Variants in SPAG17 observed in about 807,000 individuals in gnomAD.
SPAG17 encodes the protein sperm associated antigen 17, also known as sperm-associated antigen 17.
Under a neutral mutation model 273.6 loss-of-function variants are expected in SPAG17, and 169 were observed. That is an observed-to-expected ratio of 0.62 (90% CI 0.55 to 0.70). The LOEUF is 0.70. Ranked by LOEUF, SPAG17 falls within the 30% of genes least tolerant of loss-of-function variation. The pLI, the probability that SPAG17 is intolerant of heterozygous loss-of-function variation, is 0.00. For synonymous variants in SPAG17, 825 were observed against 873.2 expected (o/e 0.94, Z 0.97); for missense variants, 2,557 against 2,627.8 (o/e 0.97, Z 0.59).
chr1:118,055,447 AT>A (rs1651561408), intron 19 of SPAG17, among the ~76,000 whole-genome samples: 1 of 152,182 alleles, frequency 6.6e-6, no homozygotes, highest in South Asian at 2.1e-4. Context: ...CAATAAAGGC[AT>A]TTGGCATTTC....
intron 1 of SPAG17, among the ~76,000 whole-genome samples, chr1:118,183,906 T>C (rs1661059534): frequency 6.6e-6 from 1 of 152,166 alleles, no homozygotes; most frequent in Non-Finnish European, 1.5e-5. Flanking sequence ...AAAAACATCT[T>C]TGAGAATTTG....
intron 3 of SPAG17, 50 bp from the exon 4 acceptor site, chr1:118,115,491 C>A (rs770170703): frequency 1.9e-5 from 30 of 1,548,646 alleles, no homozygotes; most frequent in South Asian, 3.6e-5. Flanking sequence ...TAACCTTTGG[C>A]ACAGTCTGTC....
At chr1:118,169,380 G>A (rs904179872) in intron 1 of SPAG17, among the ~76,000 whole-genome samples, 1 of 152,034 alleles carries the variant, frequency 6.6e-6, no homozygotes, top group Admixed American at 6.6e-5. Context: ...TGTAAATATC[G>A]ATGAAAGCAT....
intron 1 of SPAG17, among the ~76,000 whole-genome samples, chr1:118,176,242 T>G (rs556115655): frequency 2.6e-5 from 4 of 152,192 alleles, no homozygotes; most frequent in Admixed American, 2.0e-4. Flanking sequence ...CTTAATAACA[T>G]TGACTATAAA....
chr1:117,987,793 G>T lies in SPAG17; in HGVS notation c.5669+41C>A, dbSNP rs192860792. ...ATCCCATTCTCAGTCTATTACTCTGGGCCCTTTCAGGTCCTTATGTGCGTT... is the reference window on the plus strand; with the variant it reads ...ATCCCATTCTCAGTCTATTACTCTGTGCCCTTTCAGGTCCTTATGTGCGTT... On this transcript the variant is annotated intron_variant, in intron 40 of 48. Coordinates refer to ENST00000336338, the MANE Select transcript of SPAG17 (RefSeq NM_206996.4). The T allele has an allele frequency of 1.9e-4, 309 of 1,602,802 alleles. 4 individuals carry two copies. The East Asian group carries it at 5.0e-3, about 26-fold the overall frequency.
rs534480389 is a variant in SPAG17, at chr1:117,985,333, G to A, written c.5670-551C>T. On this transcript the variant is annotated intron_variant, in intron 40 of 48. Coordinates refer to ENST00000336338, the MANE Select transcript of SPAG17 (RefSeq NM_206996.4). ...ATTATATAGGGAAAGCCAATGAGAT[G>A]TAAACTTAAGTCATTGGGTAAGAGT... Among the ~76,000 whole-genome samples the A allele has an allele frequency of 3.0e-3, 453 of 152,320 alleles. 1 individual carries two copies. Among genetic ancestry groups the A allele is most frequent in the Non-Finnish European group, 5.4e-3 (366 of 68,026 alleles).
chr1:118,078,292 T>G (rs995031320), intron 15 of SPAG17, among the ~76,000 whole-genome samples: 1 of 152,068 alleles, frequency 6.6e-6, no homozygotes, highest in Admixed American at 6.6e-5. Context: ...TTATCCAATT[T>G]TGGCCCATAA....
chr1:118,093,673 T>TTA, intron 7 of SPAG17, among the ~76,000 whole-genome samples: 1 of 152,310 alleles, frequency 6.6e-6, no homozygotes, highest in African/African-American at 2.4e-5. Flanking sequence ...GTAACTTTAA[T>TTA]ATCCTCAGCC....
intron 1 of SPAG17, among the ~76,000 whole-genome samples, chr1:118,156,736 T>A (rs2102362123): frequency 6.6e-6 from 1 of 152,314 alleles, no homozygotes; most frequent in South Asian, 2.1e-4. Flanking sequence ...GAAGGCATCT[T>A]GATGGCCTGC....
intron 25 of SPAG17, among the ~76,000 whole-genome samples, chr1:118,030,925 A>G (rs908293884): frequency 1.3e-5 from 2 of 152,224 alleles, no homozygotes; most frequent in African/African-American, 4.8e-5. Context: ...TCTTTATAGT[A>G]GAATGATTTA....
At position 118,091,943 on chromosome 1, in the gene SPAG17, T is replaced by G. The variant is rs936844893; in HGVS notation, c.1233A>C (p.Gln411His). The G allele has an allele frequency of 6.2e-7, 1 of 1,613,710 alleles. No homozygotes were observed. Among genetic ancestry groups the G allele is most frequent in the Admixed American group, 1.7e-5 (1 of 59,998 alleles). Residue 411 changes from glutamine (Q) to histidine (H), a missense_variant, in exon 9 of 49, where the codon CAA (glutamine) becomes CAC (histidine). Coordinates refer to ENST00000336338, the MANE Select transcript of SPAG17 (RefSeq NM_206996.4). The part of the protein sequence containing the change: ...GKKKAQYEEP[Q>H]APPPVTSVIT... ...TTTCATACATGCCTGGTGGTGGAGCTTGCGGTTCTTCATACTGTGCTTTCT... is the reference window on the plus strand; with the variant it reads ...TTTCATACATGCCTGGTGGTGGAGCGTGCGGTTCTTCATACTGTGCTTTCT...
At position 117,994,434 on chromosome 1, in the gene SPAG17, C is replaced by T; in HGVS notation, c.5150G>A (p.Arg1717Lys). 1.2e-6 allele frequency: 2 copies of T among 1,612,510 alleles called. No individual in the cohort carries two copies. Among genetic ancestry groups the T allele is most frequent in the Non-Finnish European group, 1.7e-6 (2 of 1,179,074 alleles). Residue 1717 changes from arginine to lysine, a missense_variant, in exon 35 of 49, where the codon AGG becomes AAG. Arg to Lys is a conservative substitution (Grantham distance 26). Coordinates refer to ENST00000336338, the MANE Select transcript of SPAG17 (RefSeq NM_206996.4). Reference sequence around the variant, plus strand: ...AACTGAGGGAAATGTTTCCCATGACCTTGACCGGAGATTAGGAGGGACAAT... The same window carrying T: ...AACTGAGGGAAATGTTTCCCATGACTTTGACCGGAGATTAGGAGGGACAAT... Reference protein sequence around the residue: ...DTIVPPNLRSRSWETFPSVEK... With the variant: ...DTIVPPNLRSKSWETFPSVEK...
At position 117,961,289 on chromosome 1, in the gene SPAG17, T is replaced by C. The variant is rs151185496; in HGVS notation, c.*2510A>G. On this transcript the variant is annotated intron_variant, in intron 48 of 48. Coordinates refer to ENST00000336338, the MANE Select transcript of SPAG17 (RefSeq NM_206996.4). ...ACACAGTGAGACTCCATCTCCAAAA[T>C]AATAATAGTAAAAAAAAATCTGTAT... is the stretch of plus-strand genomic sequence containing the variant. 1,327 of 151,986 alleles carry C rather than the reference T, an allele frequency of 8.7e-3. 10 individuals are homozygous for C. The highest frequency in any genetic ancestry group is 0.014 in the Non-Finnish European group (976 of 67,956). The allele number at this position is 151,986 out of a possible 1,614,324, so 9.4% of individuals were successfully genotyped here.
At chr1:118,016,518 G>A (rs373163662) in intron 28 of SPAG17, among the ~76,000 whole-genome samples, 1 of 152,068 alleles carries the variant, frequency 6.6e-6, no homozygotes, top group Non-Finnish European at 1.5e-5. Flanking sequence ...CAGATTTTGG[G>A]TTTTGTATTC....
chr1:118,141,758 C>A (rs1658694285), intron 3 of SPAG17, among the ~76,000 whole-genome samples: 1 of 152,138 alleles, frequency 6.6e-6, no homozygotes, highest in African/African-American at 2.4e-5. Flanking sequence ...CATCTTTTTA[C>A]ATAAACATGA....
intron 3 of SPAG17, among the ~76,000 whole-genome samples, chr1:118,124,076 A>G (rs993873947): frequency 6.6e-5 from 10 of 152,232 alleles, no homozygotes; most frequent in African/African-American, 7.2e-5. Context: ...TTGTTTTTGT[A>G]TACTTGCAAA....
intron 1 of SPAG17, among the ~76,000 whole-genome samples, chr1:118,163,921 C>T (rs867354856): frequency 6.6e-6 from 1 of 152,168 alleles, no homozygotes. Flanking sequence ...GATATGGTTG[C>T]CTTGCCTATT....
chr1:118,110,735 G>A (rs1656708290), intron 4 of SPAG17, among the ~76,000 whole-genome samples: 1 of 152,188 alleles, frequency 6.6e-6, no homozygotes, highest in East Asian at 1.9e-4. Context: ...GGAACCAGAT[G>A]GTTGTGAGTA....
Position 117,994,400 on chromosome 1 carries a change from A to G in SPAG17, c.5178+6T>C, listed in dbSNP as rs368516654. The G allele has an allele frequency of 6.2e-7, 1 of 1,610,326 alleles. No homozygotes were observed. The highest frequency in any genetic ancestry group is 8.5e-7 in the Non-Finnish European group (1 of 1,178,200). The stretch of plus-strand genomic sequence containing the variant: ...ATAAAATGACTTTTTAGAAGAAATT[A>G]TATACCTCAACTGAGGGAAATGTTT... On this transcript the variant is annotated splice_donor_region_variant and intron_variant, in intron 35 of 48. Coordinates refer to ENST00000336338, the MANE Select transcript of SPAG17 (RefSeq NM_206996.4).
Sources: gnomAD v4.1 joint callset for allele counts (sites outside exome capture counted in the v4.1 genomes callset) on GRCh38, gnomAD v4.1.1 for gene constraint, MANE v1.5 for transcripts, NCBI Gene and HGNC (gene_info 2026-07-23, HGNC 2026-07-21) for gene names.